The following PACRG variants were observed in gnomAD, a reference collection of about 807,000 sequenced individuals.
PACRG encodes the protein parkin coregulated gene protein.
PACRG carries 29 observed loss-of-function variants against 29.7 expected under a neutral mutation model. The ratio of observed to expected loss-of-function variants is 0.98; its 90% CI spans 0.73 to 1.33. The LOEUF is 1.33. PACRG is among the 40% of genes most tolerant of loss of function. The probability of loss-of-function intolerance (pLI) is 0.00; values close to 1 mark genes in which losing one functional copy is unlikely to be tolerated. For synonymous variants in PACRG, 116 were observed against 118.7 expected (o/e 0.98, Z 0.15); for missense variants, 279 against 316.2 (o/e 0.88, Z 0.89).
At chr6:162,938,861 C>G (rs1053002284) in intron 2 of PACRG, among the ~76,000 whole-genome samples, 1 of 151,884 alleles carries the variant, frequency 6.6e-6, no homozygotes, top group East Asian at 1.9e-4. Context: ...TTGGTTTTTT[C>G]TTGCTAATTC....
intron 2 of PACRG, among the ~76,000 whole-genome samples, chr6:162,875,022 C>T (rs554519213): frequency 6.6e-6 from 1 of 152,238 alleles, no homozygotes; most frequent in Admixed American, 6.5e-5. Flanking sequence ...TATGTATTCA[C>T]ACATATGTAT....
chr6:162,940,119 A>G (rs1453223144), intron 2 of PACRG, among the ~76,000 whole-genome samples: 1 of 152,232 alleles, frequency 6.6e-6, no homozygotes, highest in African/African-American at 2.4e-5. Context: ...AGAAACATCA[A>G]GAGCAACTTT....
chr6:162,752,154 TG>T (rs1253705802), intron 1 of PACRG, among the ~76,000 whole-genome samples: 1 of 152,194 alleles, frequency 6.6e-6, no homozygotes, highest in Non-Finnish European at 1.5e-5. Flanking sequence ...TAACATCTGA[TG>T]CTAAAGACAG....
At chr6:162,977,107 T>C in intron 2 of PACRG, among the ~76,000 whole-genome samples, 1 of 152,024 alleles carries the variant, frequency 6.6e-6, no homozygotes, top group Admixed American at 6.6e-5. Flanking sequence ...TTGTTTATTA[T>C]ATAAATATTT....
intron 1 of PACRG, among the ~76,000 whole-genome samples, chr6:162,785,114 T>C (rs1029153481): frequency 2.7e-4 from 41 of 151,266 alleles, no homozygotes; most frequent in African/African-American, 8.3e-4. Flanking sequence ...TTTTTTTCAG[T>C]TAGCTTTAGG....
At chr6:162,837,854 G>A (rs118158994) in intron 2 of PACRG, among the ~76,000 whole-genome samples, 226 of 152,116 alleles carry the variant, frequency 1.5e-3, no homozygotes, top group Non-Finnish European at 2.7e-3. Flanking sequence ...TTAATGACTT[G>A]GAAGGAAACA....
intron 4 of PACRG, among the ~76,000 whole-genome samples, chr6:163,122,916 A>G (rs558880456): frequency 3.3e-5 from 5 of 152,302 alleles, no homozygotes; most frequent in African/African-American, 9.6e-5. Context: ...AACTTAACAT[A>G]AGACTACTGA....
intron 4 of PACRG, among the ~76,000 whole-genome samples, chr6:163,267,185 G>A (rs1185668880): frequency 6.6e-6 from 1 of 152,136 alleles, no homozygotes; most frequent in Non-Finnish European, 1.5e-5. Context: ...TGGGTAGGCA[G>A]AACTCTTCAT....
intron 4 of PACRG, among the ~76,000 whole-genome samples, chr6:163,292,075 T>G (rs1290917600): frequency 6.6e-6 from 1 of 151,766 alleles, no homozygotes; most frequent in Non-Finnish European, 1.5e-5. Flanking sequence ...AGGGTGAATT[T>G]AAAGGGATAG....
chr6:162,751,085 A>G (rs1781478576), intron 1 of PACRG, among the ~76,000 whole-genome samples: 1 of 152,146 alleles, frequency 6.6e-6, no homozygotes, highest in Non-Finnish European at 1.5e-5. Flanking sequence ...CTAGTCAAAG[A>G]TGTTTCCAAG....
In PACRG at chr6:163,061,492, C is replaced by T. The variant is rs189924206; in HGVS notation, c.292-658C>T. On this transcript the variant is annotated intron_variant, in intron 2 of 4. Transcript: ENST00000366888. ...GAGATGTGGGAAAGAGATTTGTCTCCGCTCCCAGAAGAAGCAGGCAAAGGG... is the reference window on the plus strand; with the variant it reads ...GAGATGTGGGAAAGAGATTTGTCTCTGCTCCCAGAAGAAGCAGGCAAAGGG... Among the ~76,000 whole-genome samples the T allele has an allele frequency of 2.1e-3, 315 of 152,226 alleles. 1 individual carries two copies. The highest frequency in any genetic ancestry group is 7.2e-3 in the African/African-American group (297 of 41,536).
At chr6:163,063,665 T>G (rs1811281764) in intron 3 of PACRG, among the ~76,000 whole-genome samples, 1 of 152,108 alleles carries the variant, frequency 6.6e-6, no homozygotes, top group South Asian at 2.1e-4. Context: ...CTCAGATCTT[T>G]GAGGTCTCCG....
At chr6:163,253,297 CAAAAAAA>C in intron 4 of PACRG, among the ~76,000 whole-genome samples, 1 of 50,176 alleles carries the variant, frequency 2.0e-5, no homozygotes, top group Admixed American at 2.1e-4. Flanking sequence ...GAGACTGTCT[CAAAAAAA>C]AAAAAAAAAA....
chr6:163,070,760 C>A (rs1811965993), intron 3 of PACRG, among the ~76,000 whole-genome samples: 1 of 150,520 alleles, frequency 6.6e-6, no homozygotes. Flanking sequence ...CACAGAGTAG[C>A]TGAATTGATT....
intron 2 of PACRG, among the ~76,000 whole-genome samples, chr6:162,943,724 T>C (rs1242937872): frequency 6.6e-6 from 1 of 152,104 alleles, no homozygotes; most frequent in Non-Finnish European, 1.5e-5. Flanking sequence ...CTGTGCACCA[T>C]AGGCACCTGA....
At chr6:163,078,122 C>G (rs1196603386) in intron 3 of PACRG, among the ~76,000 whole-genome samples, 1 of 152,216 alleles carries the variant, frequency 6.6e-6, no homozygotes, top group African/African-American at 2.4e-5. Flanking sequence ...TGAAGTCAGA[C>G]TACCTCATCA....
chr6:162,822,004 TTTG>T (rs1186731555), intron 2 of PACRG, among the ~76,000 whole-genome samples: 2 of 152,216 alleles, frequency 1.3e-5, no homozygotes, highest in Admixed American at 1.3e-4. Context: ...TATTGAAGTT[TTTG>T]TTGTCTTTTT....
At chr6:163,062,391 C>T in intron 3 of PACRG, 70 bp downstream of exon 3, 2 of 1,474,248 alleles carry the variant, frequency 1.4e-6, no homozygotes, top group Non-Finnish European at 1.8e-6. Context: ...GCTAATTAAG[C>T]AATAAACCAT....
chr6:163,300,554 G>A lies in PACRG; in HGVS notation c.614-14273G>A, dbSNP rs77905061. 1.6e-4 allele frequency among the ~76,000 whole-genome samples: 24 copies of A among 152,250 alleles called. No homozygotes were observed. The East Asian group carries it at 4.4e-3, about 28-fold the overall frequency. ...GCCTCTTACTATCTCCTGCTTAACC[G>A]GGCTGTCTCCTCGTGGCCAGCAACG... On this transcript the variant is annotated intron_variant, in intron 4 of 4. Coordinates refer to ENST00000366888, the MANE Select transcript of PACRG (RefSeq NM_001080379.2).
Sources: gnomAD v4.1 joint callset for allele counts (sites outside exome capture counted in the v4.1 genomes callset) on GRCh38, gnomAD v4.1.1 for gene constraint, MANE v1.5 for transcripts, NCBI Gene and HGNC (gene_info 2026-07-23, HGNC 2026-07-21) for gene names.